Variants in ICA1 observed in about 807,000 individuals in gnomAD.
ICA1 encodes islet cell autoantigen 1.
ICA1 carries 40 observed loss-of-function variants against 71.0 expected under a neutral mutation model. The observed-to-expected ratio is 0.56, with a 90% CI of 0.44 to 0.73. The LOEUF is 0.73. Among genes scored for constraint, ICA1 ranks in the 30% least tolerant of loss-of-function variants. The pLI, the probability that ICA1 is intolerant of heterozygous loss-of-function variation, is 0.00. For synonymous variants in ICA1, 207 were observed against 209.5 expected (o/e 0.99, Z 0.10); for missense variants, 578 against 576.5 (o/e 1.00, Z -0.03).
At chr7:8,149,961 C>T (rs1015384035) in intron 8 of ICA1, among the ~76,000 whole-genome samples, 2 of 152,090 alleles carry the variant, frequency 1.3e-5, no homozygotes, top group Non-Finnish European at 2.9e-5. Flanking sequence ...TTGCTCTCAC[C>T]GTACACTTAC....
At chr7:8,128,635 G>C (rs1790248153) in intron 12 of ICA1, among the ~76,000 whole-genome samples, 2 of 29,022 alleles carry the variant, frequency 6.9e-5, no homozygotes, top group South Asian at 3.0e-3. Flanking sequence ...CGACAGTGAA[G>C]GGGAGGATGT....
chr7:8,146,325 G>A (rs114368686), intron 8 of ICA1, among the ~76,000 whole-genome samples: 1 of 152,282 alleles, frequency 6.6e-6, no homozygotes, highest in African/African-American at 2.4e-5. Flanking sequence ...GGAGAAGAGA[G>A]TTCCGAGTCA....
At chr7:8,182,563 C>T (rs1782536696) in intron 6 of ICA1, among the ~76,000 whole-genome samples, 1 of 152,124 alleles carries the variant, frequency 6.6e-6, no homozygotes, top group African/African-American at 2.4e-5. Flanking sequence ...AAGGGACACC[C>T]ATTATCCCTG....
chr7:8,167,054 C>T (rs1298180663), intron 6 of ICA1, among the ~76,000 whole-genome samples: 2 of 152,108 alleles, frequency 1.3e-5, no homozygotes, highest in Non-Finnish European at 2.9e-5. Context: ...CCTTTGGGAA[C>T]AGCAGTTTGG....
chr7:8,182,467 G>A (rs1038585252), intron 6 of ICA1, among the ~76,000 whole-genome samples: 3 of 152,172 alleles, frequency 2.0e-5, no homozygotes, highest in African/African-American at 4.8e-5. Context: ...GGGCAGAGGA[G>A]AAGAACAGGA....
rs1215529933 is a variant in ICA1 at position 8,158,792 on chromosome 7, T to C, written c.580-140A>G. On this transcript the variant is annotated intron_variant, in intron 6 of 13. Transcript: ENST00000402384. ...AAAATTCCAGACAAATGGGAAGATG[T>C]TACAACATCCATTCTTTACCTCCAA... The C allele has an allele frequency of 7.5e-6, 6 of 801,060 alleles. No homozygotes were observed. In the East Asian group the frequency reaches 1.6e-4, roughly 21 times the overall value. 49.6% of individuals were successfully genotyped at this position (801,060 alleles called of 1,614,324 possible).
chr7:8,152,573 CACCA>C (rs1225236040), intron 8 of ICA1, among the ~76,000 whole-genome samples: 9 of 124,942 alleles, frequency 7.2e-5, no homozygotes, highest in Admixed American at 2.6e-4. Context: ...CCACCACCAC[CACCA>C]TCTCCTTCAC....
intron 9 of ICA1, chr7:8,142,064 G>A: frequency 7.3e-7 from 1 of 1,361,412 alleles, no homozygotes; most frequent in Non-Finnish European, 9.8e-7. Flanking sequence ...ATCTAGATGG[G>A]CAGTTAGATA....
intron 1 of ICA1, among the ~76,000 whole-genome samples, chr7:8,257,553 C>G (rs1810640447): frequency 6.6e-6 from 1 of 152,170 alleles, no homozygotes; most frequent in Admixed American, 6.5e-5. Flanking sequence ...TGACTACTAT[C>G]TATATATTCA....
At chr7:8,156,587 C>G (rs1801598097) in intron 8 of ICA1, 1 of 351,946 alleles carries the variant, frequency 2.8e-6, no homozygotes, top group South Asian at 5.1e-5. Flanking sequence ...TTTAATACTG[C>G]TTTTTCAATT....
At chr7:8,247,037 T>C (rs955289098) in intron 1 of ICA1, among the ~76,000 whole-genome samples, 1 of 149,342 alleles carries the variant, frequency 6.7e-6, no homozygotes, top group South Asian at 2.3e-4. Flanking sequence ...TGAACCACCA[T>C]GCCTGGCCTT....
intron 6 of ICA1, among the ~76,000 whole-genome samples, chr7:8,186,710 A>G (rs1320687014): frequency 6.6e-6 from 1 of 152,226 alleles, no homozygotes; most frequent in Non-Finnish European, 1.5e-5. Flanking sequence ...GAAAAGGGGC[A>G]GATCAGGGTA....
chr7:8,119,934 T>C (rs751084244), intron 13 of ICA1, among the ~76,000 whole-genome samples: 16 of 152,332 alleles, frequency 1.1e-4, no homozygotes, highest in African/African-American at 3.6e-4. Flanking sequence ...GATTCCTTTA[T>C]AGACAAAACA....
At position 8,130,558 on chromosome 7, in the gene ICA1, C is replaced by A. The variant is rs1791073623; in HGVS notation, c.1061-2416G>T. Among the ~76,000 whole-genome samples, 1 of 152,230 alleles carries A rather than the reference C, an allele frequency of 6.6e-6. No individual in the cohort carries two copies. Among genetic ancestry groups the A allele is most frequent in the South Asian group, 2.1e-4 (1 of 4,834 alleles). ...TGCCCTGACTGAAACCAGATAATTA[C>A]TGAACCAAACCTATTCTATTGAAAC... is the stretch of plus-strand genomic sequence containing the variant. On this transcript the variant is annotated intron_variant, in intron 12 of 13. Transcript: ENST00000402384. The surrounding 1 kb of genome is among the most constrained non-coding windows in gnomAD (Gnocchi z 4.2).
chr7:8,211,262 G>C (rs1453268874), intron 6 of ICA1, among the ~76,000 whole-genome samples: 5 of 152,058 alleles, frequency 3.3e-5, no homozygotes, highest in Admixed American at 6.5e-5. Flanking sequence ...CTATAAAAAA[G>C]AGTTTCCATT....
rs1184233671 is a variant in ICA1, at chr7:8,248,952, T to C, written c.-79-12947A>G. 9.2e-5 allele frequency among the ~76,000 whole-genome samples: 14 copies of C among 152,260 alleles called. 1 individual carries two copies. The highest frequency in any genetic ancestry group is 9.2e-4 in the Admixed American group (14 of 15,288). ...GTCAACTGTCAGTCATTTTTCTTTC[T>C]TCATGGAATATAAATGGTAAGACCT... is the stretch of plus-strand genomic sequence containing the variant. On this transcript the variant is annotated intron_variant, in intron 1 of 13. Coordinates refer to ENST00000402384, the MANE Select transcript of ICA1 (RefSeq NM_001136020.3).
chr7:8,148,739 T>C (rs998234569), intron 8 of ICA1, among the ~76,000 whole-genome samples: 2 of 152,170 alleles, frequency 1.3e-5, no homozygotes, highest in Non-Finnish European at 2.9e-5. Context: ...CGAAGCTAAA[T>C]ACTCTTTGAT....
chr7:8,139,141 G>A (rs1794366954), intron 10 of ICA1, 94 bp from the exon 11 acceptor site: 2 of 939,586 alleles, frequency 2.1e-6, no homozygotes, highest in Non-Finnish European at 1.7e-6. Context: ...ACGGCTTCAG[G>A]AAGAAATGGG....
chr7:8,189,562 C>T (rs911234487), intron 6 of ICA1, among the ~76,000 whole-genome samples: 13 of 152,126 alleles, frequency 8.5e-5, no homozygotes, highest in Admixed American at 8.5e-4. Flanking sequence ...CAGGTTTTTT[C>T]TTCTTCTTTT....
Sources: gnomAD v4.1 joint callset for allele counts (sites outside exome capture counted in the v4.1 genomes callset) on GRCh38, gnomAD v4.1.1 for gene constraint, Gnocchi (gnomAD v3.1) non-coding constraint, MANE v1.5 for transcripts, NCBI Gene and HGNC (gene_info 2026-07-23, HGNC 2026-07-21) for gene names.